The following PCDH9 variants were observed in gnomAD, a reference collection of about 807,000 sequenced individuals.
The protein encoded by PCDH9 is protocadherin-9.
In PCDH9, 24 loss-of-function variants were observed where a neutral mutation model predicts 70.6. The observed-to-expected ratio is 0.34, with a 90% confidence interval of 0.25 to 0.48. The LOEUF (loss-of-function observed/expected upper bound fraction) is 0.48, where lower values mean the gene tolerates loss of function less well. Ranked by LOEUF, PCDH9 falls within the 20% of genes least tolerant of loss-of-function variation. The pLI is 0.99. For synonymous variants in PCDH9, 562 were observed against 558.5 expected (o/e 1.01, Z -0.09); for missense variants, 1,281 against 1,503.6 (o/e 0.85, Z 2.45).
intron 3 of PCDH9, among the ~76,000 whole-genome samples, chr13:66,774,972 T>C (rs1319309768): frequency 6.6e-6 from 1 of 152,208 alleles, no homozygotes; most frequent in East Asian, 1.9e-4. Context: ...TCTAAGTATA[T>C]GACATTGAAA....
intron 2 of PCDH9, among the ~76,000 whole-genome samples, chr13:67,199,576 G>A (rs2089159484): frequency 6.6e-6 from 1 of 151,934 alleles, no homozygotes; most frequent in Admixed American, 6.6e-5. Flanking sequence ...CAAAATCTTT[G>A]TAAGGAATTA....
intron 2 of PCDH9, chr13:67,214,062 A>C (rs1593631826): frequency 6.6e-6 from 1 of 152,238 alleles, no homozygotes; most frequent in African/African-American, 2.4e-5. Flanking sequence ...GGATATTATC[A>C]AAAGGTATTT....
intron 2 of PCDH9, among the ~76,000 whole-genome samples, chr13:66,955,103 A>G (rs1391500285): frequency 6.6e-6 from 1 of 152,176 alleles, no homozygotes; most frequent in Non-Finnish European, 1.5e-5. Context: ...CCGTTGCTCA[A>G]GAGCATGTTA....
At chr13:67,107,306 A>G (rs960185743) in intron 2 of PCDH9, among the ~76,000 whole-genome samples, 1 of 151,898 alleles carries the variant, frequency 6.6e-6, no homozygotes, top group Non-Finnish European at 1.5e-5. Flanking sequence ...TTCCAGGTGG[A>G]GCAGGCAGCC....
chr13:66,688,049 C>T (rs188017752), intron 3 of PCDH9, among the ~76,000 whole-genome samples: 15 of 152,198 alleles, frequency 9.9e-5, no homozygotes, highest in Admixed American at 8.5e-4. Flanking sequence ...AATCGCAAGC[C>T]TCTTCCAAAG....
At chr13:67,116,688 C>T (rs2086782512) in intron 2 of PCDH9, among the ~76,000 whole-genome samples, 1 of 152,148 alleles carries the variant, frequency 6.6e-6, no homozygotes, top group African/African-American at 2.4e-5. Context: ...AAAATCAAAC[C>T]TATTGCTCCT....
At chr13:66,821,416 AT>A (rs1445021837) in intron 3 of PCDH9, among the ~76,000 whole-genome samples, 1 of 152,164 alleles carries the variant, frequency 6.6e-6, no homozygotes, top group African/African-American at 2.4e-5. Flanking sequence ...CATAAGCTAA[AT>A]GGACCATTTT....
At chr13:66,779,910 A>G (rs1172769889) in intron 3 of PCDH9, among the ~76,000 whole-genome samples, 2 of 112,162 alleles carry the variant, frequency 1.8e-5, no homozygotes, top group African/African-American at 3.5e-5. Context: ...TGTCCGATAT[A>G]TAGAGCTAGA....
intron 3 of PCDH9, among the ~76,000 whole-genome samples, chr13:66,828,079 T>C (rs939657524): frequency 6.6e-6 from 1 of 151,866 alleles, no homozygotes; most frequent in African/African-American, 2.4e-5. Flanking sequence ...CAAACTGACA[T>C]GTGAAGTAAC....
Position 67,176,981 on chromosome 13 carries a change from T to C in PCDH9, c.3036+48424A>G, listed in dbSNP as rs1394289133. ...TTACTAAATGTGTGATCTCTCTTAGTCATAATTTCTTCTTTTCAAACAATG... is the reference window on the plus strand; with the variant it reads ...TTACTAAATGTGTGATCTCTCTTAGCCATAATTTCTTCTTTTCAAACAATG... On this transcript the variant is annotated intron_variant, in intron 2 of 4. Coordinates refer to ENST00000377865, the MANE Select transcript of PCDH9 (RefSeq NM_203487.3). 2.6e-5 allele frequency among the ~76,000 whole-genome samples: 4 copies of C among 152,192 alleles called. No homozygotes were observed. The East Asian group carries it at 7.7e-4, about 29-fold the overall frequency.
chr13:67,085,837 T>G (rs1209894794), intron 2 of PCDH9, among the ~76,000 whole-genome samples: 1 of 152,242 alleles, frequency 6.6e-6, no homozygotes, highest in Non-Finnish European at 1.5e-5. Flanking sequence ...AGCATTTTCT[T>G]ATTAGCCTAG....
intron 2 of PCDH9, among the ~76,000 whole-genome samples, chr13:67,128,518 G>A (rs901180867): frequency 1.3e-5 from 2 of 152,170 alleles, no homozygotes; most frequent in Non-Finnish European, 2.9e-5. Flanking sequence ...CGTTATGGCA[G>A]TTGGGTACCA....
chr13:66,909,776 A>G (rs1361602947), intron 2 of PCDH9, among the ~76,000 whole-genome samples: 1 of 152,182 alleles, frequency 6.6e-6, no homozygotes, highest in African/African-American at 2.4e-5. Flanking sequence ...GCAGTTCATG[A>G]CAAGGAGTAA....
chr13:66,533,958 C>G (rs1960579740), intron 4 of PCDH9, among the ~76,000 whole-genome samples: 1 of 152,118 alleles, frequency 6.6e-6, no homozygotes, highest in South Asian at 2.1e-4. Context: ...GAAAATAACA[C>G]TATGAAAGGA....
At chr13:67,031,559 T>C (rs2139885811) in intron 2 of PCDH9, among the ~76,000 whole-genome samples, 1 of 152,258 alleles carries the variant, frequency 6.6e-6, no homozygotes, top group Non-Finnish European at 1.5e-5. Flanking sequence ...GGCACACACC[T>C]GTATTCCCAG....
chr13:66,881,508 C>T (rs1369916723), intron 3 of PCDH9, among the ~76,000 whole-genome samples: 1 of 152,140 alleles, frequency 6.6e-6, no homozygotes, highest in African/African-American at 2.4e-5. Context: ...CACTGGGTCC[C>T]TCCCACAACA....
chr13:66,676,995 C>T (rs987645747), intron 3 of PCDH9, among the ~76,000 whole-genome samples: 9 of 151,864 alleles, frequency 5.9e-5, no homozygotes, highest in East Asian at 1.9e-4. Flanking sequence ...AGTCGGTATG[C>T]GGATTAAAAG....
intron 2 of PCDH9, among the ~76,000 whole-genome samples, chr13:67,110,596 T>C (rs1241126948): frequency 1.3e-5 from 2 of 151,946 alleles, no homozygotes. Flanking sequence ...TTGTGATTCT[T>C]AATGGTGGAT....
chr13:66,409,396 C>G (rs1053971075), intron 4 of PCDH9, among the ~76,000 whole-genome samples: 2 of 151,978 alleles, frequency 1.3e-5, no homozygotes, highest in Non-Finnish European at 1.5e-5. Context: ...AATTGTTGTC[C>G]TCCCCCTTTT....
Sources: allele counts gnomAD v4.1 joint callset (sites outside exome capture counted in the v4.1 genomes callset), GRCh38; gene constraint gnomAD v4.1.1; transcripts MANE v1.5; gene names NCBI Gene and HGNC (gene_info 2026-07-23, HGNC 2026-07-21).